The following MPP7 variants were observed in gnomAD, a reference collection of about 807,000 sequenced individuals.
The protein encoded by MPP7 is MAGUK p55 subfamily member 7.
A neutral mutation model predicts 76.5 loss-of-function variants in MPP7; 60 were observed. That is an observed-to-expected ratio of 0.78 (90% CI 0.64 to 0.97). The LOEUF is 0.97. Ranked by LOEUF, MPP7 falls within the 50% of genes least tolerant of loss-of-function variation. The pLI is 0.00. For synonymous variants in MPP7, 237 were observed against 244.5 expected (o/e 0.97, Z 0.29); for missense variants, 641 against 694.0 (o/e 0.92, Z 0.86).
intron 11 of MPP7, among the ~76,000 whole-genome samples, chr10:28,119,436 G>A (rs375875684): frequency 6.6e-6 from 1 of 152,054 alleles, no homozygotes; most frequent in Non-Finnish European, 1.5e-5. Context: ...AGTGAGTCAT[G>A]GATTTATTAT....
At chr10:28,293,477 A>G (rs1336634459) in intron 1 of MPP7, among the ~76,000 whole-genome samples, 1 of 152,262 alleles carries the variant, frequency 6.6e-6, no homozygotes, top group Non-Finnish European at 1.5e-5. Flanking sequence ...ATGAGATAAC[A>G]ATCTGGTCGT....
chr10:28,092,072 T>C (rs1267549386), intron 11 of MPP7, among the ~76,000 whole-genome samples: 1 of 152,154 alleles, frequency 6.6e-6, no homozygotes, highest in Admixed American at 6.5e-5. Context: ...GGATTCAAAA[T>C]AAAGGAAATG....
intron 2 of MPP7, among the ~76,000 whole-genome samples, chr10:28,314,181 C>T (rs1841306326): frequency 1.3e-5 from 2 of 152,192 alleles, no homozygotes; most frequent in South Asian, 4.1e-4. Flanking sequence ...ATTCAACAAA[C>T]ATTTACTGAG....
intron 2 of MPP7, among the ~76,000 whole-genome samples, chr10:28,205,448 A>G (rs1242137785): frequency 2.6e-5 from 4 of 152,190 alleles, no homozygotes; most frequent in Admixed American, 6.5e-5. Context: ...ATAGCAGCAG[A>G]TATTTTTTAA....
rs200096291 is a variant in MPP7 at position 28,119,687 on chromosome 10, A to G, written c.916T>C (p.Leu306=). The change falls in exon 11 of 17, where the codon TTG becomes CTG. Residue 306 remains leucine (L), a synonymous_variant. Transcript: ENST00000683449. The part of the protein sequence containing the change: ...RRLALRRPEI[L]VQPLKVSNRK... The stretch of plus-strand genomic sequence containing the variant: ...TTGGAAACTTTCAGGGGCTGAACCA[A>G]TATTTCTGGTCGTCTCAAAGCCAAT... 1.2e-4 allele frequency: 186 copies of G among 1,613,776 alleles called. No individual in the cohort carries two copies. The highest frequency in any genetic ancestry group is 1.5e-4 in the South Asian group (14 of 91,074).
At chr10:28,309,710 G>A (rs1841278428) in intron 2 of MPP7, among the ~76,000 whole-genome samples, 1 of 152,210 alleles carries the variant, frequency 6.6e-6, no homozygotes, top group South Asian at 2.1e-4. Flanking sequence ...CAGTGTTGGA[G>A]GTGGGGCCTG....
At chr10:28,097,101 C>A (rs1204954666) in intron 11 of MPP7, among the ~76,000 whole-genome samples, 1 of 151,952 alleles carries the variant, frequency 6.6e-6, no homozygotes. Context: ...GCGATCCTCC[C>A]ACCTCAGCCT....
At chr10:28,059,816 A>G in intron 13 of MPP7, 73 bp from the exon 14 acceptor site, 1 of 996,528 alleles carries the variant, frequency 1.0e-6, no homozygotes, top group Non-Finnish European at 1.5e-6. Context: ...AAAAGAAATC[A>G]AGGGTATTTA....
In MPP7 at chr10:28,326,914, A is replaced by C. The variant is rs75889872; in HGVS notation, c.-132+3015T>G. Among the ~76,000 whole-genome samples, 1,383 of 152,310 alleles carry C rather than the reference A, an allele frequency of 9.1e-3. 21 individuals are homozygous for C. The highest frequency in any genetic ancestry group is 0.055 in the East Asian group (285 of 5,172). ...AAAGCTTCAATGCTTAGATGCAAGA[A>C]AGAGTTGAAGTGTTCGTGGCCACTA... On this transcript the variant is annotated intron_variant, in intron 2 of 11. Coordinates refer to the MPP7 transcript ENST00000441595.
At chr10:28,250,434 C>A (rs1296493916) in intron 1 of MPP7, among the ~76,000 whole-genome samples, 1 of 152,194 alleles carries the variant, frequency 6.6e-6, no homozygotes, top group African/African-American at 2.4e-5. Context: ...CTCCCAGCCT[C>A]TTATATCCCA....
intron 13 of MPP7, among the ~76,000 whole-genome samples, chr10:28,062,028 A>T (rs1216625947): frequency 2.0e-5 from 3 of 152,326 alleles, no homozygotes; most frequent in African/African-American, 7.2e-5. Flanking sequence ...TTTAGGCTGA[A>T]GATAAATGAT....
At chr10:28,231,874 G>C (rs1425944747) in intron 2 of MPP7, among the ~76,000 whole-genome samples, 1 of 152,070 alleles carries the variant, frequency 6.6e-6, no homozygotes, top group Non-Finnish European at 1.5e-5. Flanking sequence ...CACTACACGA[G>C]ACCAGCATGA....
chr10:28,277,493 C>T (rs893695903), intron 1 of MPP7, among the ~76,000 whole-genome samples: 2 of 151,954 alleles, frequency 1.3e-5, no homozygotes, highest in Admixed American at 6.5e-5. Flanking sequence ...GGGCTGCATG[C>T]GGCCCATGGG....
At chr10:28,211,570 G>A (rs937146362) in intron 2 of MPP7, among the ~76,000 whole-genome samples, 5 of 151,966 alleles carry the variant, frequency 3.3e-5, no homozygotes, top group South Asian at 2.1e-4. Flanking sequence ...ACCAAGGATT[G>A]GGGAAGATAG....
chr10:28,295,723 G>A (rs183395311), intron 1 of MPP7, among the ~76,000 whole-genome samples: 54 of 152,324 alleles, frequency 3.5e-4, no homozygotes, highest in Admixed American at 1.4e-3. Context: ...AGGGGTTAAC[G>A]TTATCCCTGT....
chr10:28,155,332 G>C (rs1836016578), intron 3 of MPP7, among the ~76,000 whole-genome samples: 1 of 152,152 alleles, frequency 6.6e-6, no homozygotes, highest in South Asian at 2.1e-4. Context: ...GCTCACACCG[G>C]TAAGCCCAGC....
chr10:28,238,067 T>G (rs1339940039), intron 2 of MPP7, among the ~76,000 whole-genome samples: 3 of 152,230 alleles, frequency 2.0e-5, no homozygotes, highest in Non-Finnish European at 2.9e-5. Flanking sequence ...TTGTTAGTTT[T>G]AATTGAATCC....
chr10:28,062,911 A>G (rs555335619), intron 13 of MPP7, among the ~76,000 whole-genome samples: 44 of 152,340 alleles, frequency 2.9e-4, no homozygotes, highest in African/African-American at 9.9e-4. Flanking sequence ...AAACAGGAGA[A>G]TGTCTTTGCA....
chr10:28,178,200 C>T (rs1330726033), intron 3 of MPP7, among the ~76,000 whole-genome samples: 1 of 152,006 alleles, frequency 6.6e-6, no homozygotes, highest in Non-Finnish European at 1.5e-5. Flanking sequence ...GCCAGCAGTA[C>T]CCCCTCCTCA....
Sources: gnomAD v4.1 joint callset for allele counts (sites outside exome capture counted in the v4.1 genomes callset) on GRCh38, gnomAD v4.1.1 for gene constraint, MANE v1.5 for transcripts, NCBI Gene and HGNC (gene_info 2026-07-23, HGNC 2026-07-21) for gene names.